ATP8B2: variants seen among roughly 807,000 people sequenced by gnomAD.
The protein encoded by ATP8B2 is ATPase phospholipid transporting 8B2, also known as phospholipid-transporting ATPase ID.
ATP8B2 carries 70 observed loss-of-function variants against 133.4 expected under a neutral mutation model. The observed-to-expected ratio is 0.52, with a 90% confidence interval of 0.43 to 0.64. ATP8B2 has a LOEUF of 0.64. ATP8B2 is among the 30% of genes least tolerant of loss of function. ATP8B2 has a pLI of 0.00. For synonymous variants in ATP8B2, 517 were observed against 589.5 expected, an observed-to-expected ratio of 0.88 and a Z score of 1.78; for missense variants, 1,101 against 1,535.7, an observed-to-expected ratio of 0.72 and a Z score of 4.73.
chr1:154,328,769 G>C lies in ATP8B2; in HGVS notation c.31+597G>C, dbSNP rs539432958. ...AGCGCACGCTGGCATCCGCCGGGGG[G>C]CATGGGGGGCGGCGGCGGCGGCGCA... On this transcript the variant is annotated intron_variant, in intron 2 of 27. Transcript: ENST00000368489. The surrounding 1 kb of genome is among the most constrained non-coding windows in gnomAD (Gnocchi z 4.6). 1 of 999,702 alleles carries C rather than the reference G, an allele frequency of 1.0e-6. No individual in the cohort carries two copies. The highest frequency in any genetic ancestry group is 1.2e-6 in the Non-Finnish European group (1 of 840,356). 61.9% of individuals were successfully genotyped at this position (999,702 alleles called of 1,614,324 possible). A position where few individuals can be genotyped will look rare whatever the true frequency, so the allele number is the denominator to read the frequency against.
chr1:154,329,877 G>A (rs534513003), intron 2 of ATP8B2, among the ~76,000 whole-genome samples: 4 of 152,124 alleles, frequency 2.6e-5, no homozygotes, highest in Admixed American at 2.0e-4. Context: ...GACTGCACAT[G>A]GGGCTGGGAT....
At position 154,329,063 on chromosome 1, in the gene ATP8B2, T is replaced by A. The variant is rs752246566; in HGVS notation, c.31+891T>A. On this transcript the variant is annotated intron_variant, in intron 2 of 27. Coordinates refer to ENST00000368489, the MANE Select transcript of ATP8B2 (RefSeq NM_001370597.1). ...TCCCTCTTGGAGCCGAAAGAAGCCCTCTTGGGGGACAGGTAACGGGAGGCA... is the reference window on the plus strand; with the variant it reads ...TCCCTCTTGGAGCCGAAAGAAGCCCACTTGGGGGACAGGTAACGGGAGGCA... The A allele has an allele frequency of 3.8e-6, 5 of 1,302,080 alleles. No homozygotes were observed. The South Asian group carries it at 6.2e-5, about 16-fold the overall frequency. 80.7% of individuals were successfully genotyped at this position (1,302,080 alleles called of 1,614,324 possible).
Position 154,331,342 on chromosome 1 carries a change from G to A in ATP8B2, c.304-102G>A. 2 of 1,297,048 alleles carry A rather than the reference G, an allele frequency of 1.5e-6. No homozygotes were observed. Among genetic ancestry groups the A allele is most frequent in the Non-Finnish European group, 2.2e-6 (2 of 900,758 alleles). 80.3% of individuals were successfully genotyped at this position (1,297,048 alleles called of 1,614,324 possible). A position where few individuals can be genotyped will look rare whatever the true frequency, so the allele number is the denominator to read the frequency against. On this transcript the variant is annotated intron_variant, in intron 5 of 27. Transcript: ENST00000368489. This position sits in a 1 kb window ranked among gnomAD's most constrained non-coding sequence, Gnocchi z 4.8. ...CAGGGAGTGAACTGGTTTGTGATGGGGTGTGTATGAGGCGTTAACCAGCAT... is the reference window on the plus strand; with the variant it reads ...CAGGGAGTGAACTGGTTTGTGATGGAGTGTGTATGAGGCGTTAACCAGCAT...
rs1327170813 is a variant in ATP8B2 at position 154,350,503 on chromosome 1, G to A, written c.*1385G>A. On this transcript the variant is annotated 3_prime_UTR_variant, in exon 28 of 28. Coordinates refer to ENST00000368489, the MANE Select transcript of ATP8B2 (RefSeq NM_001370597.1). ...CAGGGCCCTGTGGTGGGGCTGCAGG[G>A]GGAAGCTGTGCACCTGAGATGAGGC... 1 of 152,310 alleles carries A rather than the reference G, an allele frequency of 6.6e-6. No homozygotes were observed. Among genetic ancestry groups the A allele is most frequent in the Non-Finnish European group, 1.5e-5 (1 of 68,092 alleles). 9.4% of individuals were successfully genotyped at this position (152,310 alleles called of 1,614,324 possible).
rs952187330 is a variant in ATP8B2 at position 154,328,587 on chromosome 1, C to A, written c.31+415C>A. On this transcript the variant is annotated intron_variant, in intron 2 of 27. Transcript: ENST00000368489. The surrounding 1 kb of genome is among the most constrained non-coding windows in gnomAD (Gnocchi z 4.6). ...GGTTGCCCCCGACAACGCCGGCAGT[C>A]CGCTCACCCGCATTGGCCCGGCCCG... 2.0e-5 allele frequency among the ~76,000 whole-genome samples: 3 copies of A among 152,164 alleles called. No homozygotes were observed. The highest frequency in any genetic ancestry group is 7.2e-5 in the African/African-American group (3 of 41,454).
intron 13 of ATP8B2, chr1:154,341,685 C>T (rs1686388995): frequency 6.4e-6 from 1 of 155,058 alleles, no homozygotes; most frequent in African/African-American, 2.4e-5. Context: ...CCCAGCTACT[C>T]GGGGGGCTGA....
intron 11 of ATP8B2, among the ~76,000 whole-genome samples, chr1:154,335,567 C>T (rs1315206843): frequency 6.6e-6 from 1 of 152,076 alleles, no homozygotes; most frequent in Admixed American, 6.5e-5. Flanking sequence ...TGGCATGCAC[C>T]TGTGGTCCCA....
Position 154,346,821 on chromosome 1 carries a change from C to T in ATP8B2, c.3163+63C>T. On this transcript the variant is annotated intron_variant, in intron 26 of 27. Coordinates refer to ENST00000368489, the MANE Select transcript of ATP8B2 (RefSeq NM_001370597.1). The surrounding 1 kb of genome is among the most constrained non-coding windows in gnomAD (Gnocchi z 4.5). Reference sequence around the variant, plus strand: ...ACAGCTGTTCTGGGACTAACAGGACCATCAGCTAATCTGCACATTCAACAT... The same window carrying T: ...ACAGCTGTTCTGGGACTAACAGGACTATCAGCTAATCTGCACATTCAACAT... 6.4e-7 allele frequency: 1 copy of T among 1,554,486 alleles called. No homozygotes were observed.
At chr1:154,335,418 G>C (rs1243302989) in intron 11 of ATP8B2, among the ~76,000 whole-genome samples, 2 of 152,336 alleles carry the variant, frequency 1.3e-5, no homozygotes, top group South Asian at 2.1e-4. Context: ...TAGACCAGGA[G>C]TGGTGGCTCA....
At position 154,343,572 on chromosome 1, in the gene ATP8B2, G is replaced by A. The variant is rs1205628713; in HGVS notation, c.1758+4G>A. On this transcript the variant is annotated splice_donor_region_variant and intron_variant, in intron 17 of 27. Transcript: ENST00000368489. This position sits in a 1 kb window ranked among gnomAD's most constrained non-coding sequence, Gnocchi z 5.8. ...CACCACCATGGACCACCTTAATGTG[G>A]GTGTGAGGAGAGGAGGGGCCAGCCT... 2 of 1,613,612 alleles carry A rather than the reference G, an allele frequency of 1.2e-6. No individual in the cohort carries two copies. Among genetic ancestry groups the A allele is most frequent in the Admixed American group, 1.7e-5 (1 of 60,002 alleles).
intron 9 of ATP8B2, among the ~76,000 whole-genome samples, chr1:154,333,477 G>A (rs905541791): frequency 1.3e-5 from 2 of 149,274 alleles, no homozygotes; most frequent in Admixed American, 6.7e-5. Context: ...GCACTCCAGC[G>A]TGGGCAACAC....
chr1:154,342,223 G>A (rs1473522498), intron 13 of ATP8B2, among the ~76,000 whole-genome samples: 1 of 151,926 alleles, frequency 6.6e-6, no homozygotes, highest in Non-Finnish European at 1.5e-5. Flanking sequence ...GCCGCCTAGG[G>A]TAGAGACAGG....
rs1685985452 is a variant in ATP8B2, at chr1:154,331,370, T to A, written c.304-74T>A. ...GTGTATGAGGCGTTAACCAGCATGC[T>A]CTGAGTTCTACTGATCAACGAATTC... On this transcript the variant is annotated intron_variant, in intron 5 of 27. Coordinates refer to ENST00000368489, the MANE Select transcript of ATP8B2 (RefSeq NM_001370597.1). The surrounding 1 kb of genome is among the most constrained non-coding windows in gnomAD (Gnocchi z 4.8). 2 of 1,509,328 alleles carry A rather than the reference T, an allele frequency of 1.3e-6. No individual in the cohort carries two copies. The highest frequency in any genetic ancestry group is 2.3e-5 in the South Asian group (2 of 88,452). The allele number at this position is 1,509,328 out of a possible 1,614,324, so 93.5% of individuals were successfully genotyped here. A position where few individuals can be genotyped will look rare whatever the true frequency, so the allele number is the denominator to read the frequency against.
At position 154,346,566 on chromosome 1, in the gene ATP8B2, G is replaced by A; in HGVS notation, c.3025-54G>A. ...CCCTGGGCACCACAGTTCTGTTTCT[G>A]GGGGAAGGGGCTTTTAGGGCGTGCG... On this transcript the variant is annotated intron_variant, in intron 25 of 27. Coordinates refer to ENST00000368489, the MANE Select transcript of ATP8B2 (RefSeq NM_001370597.1). The surrounding 1 kb of genome is among the most constrained non-coding windows in gnomAD (Gnocchi z 4.5). 6.2e-7 allele frequency: 1 copy of A among 1,611,722 alleles called. No individual in the cohort carries two copies. Among genetic ancestry groups the A allele is most frequent in the Non-Finnish European group, 8.5e-7 (1 of 1,178,658 alleles).
In ATP8B2 at chr1:154,340,593, G is replaced by C. The variant is rs1288900092; in HGVS notation, c.1035-261G>C. Reference sequence around the variant, plus strand: ...CTACAGCCCCTTTTCCTCCTTTGCTGTCTGTCCTGCCCACCCAGGCCCTTT... The same window carrying C: ...CTACAGCCCCTTTTCCTCCTTTGCTCTCTGTCCTGCCCACCCAGGCCCTTT... On this transcript the variant is annotated intron_variant, in intron 12 of 27. Coordinates refer to ENST00000368489, the MANE Select transcript of ATP8B2 (RefSeq NM_001370597.1). The surrounding 1 kb of genome is among the most constrained non-coding windows in gnomAD (Gnocchi z 4.0). 9.6e-6 allele frequency: 5 copies of C among 522,414 alleles called. No individual in the cohort carries two copies. Among genetic ancestry groups the C allele is most frequent in the African/African-American group, 7.7e-5 (4 of 52,242 alleles). 32.4% of individuals were successfully genotyped at this position (522,414 alleles called of 1,614,324 possible).
intron 1 of ATP8B2, 154 bp from the exon 2 acceptor site, chr1:154,327,951 A>T: frequency 6.5e-7 from 1 of 1,536,606 alleles, no homozygotes. Context: ...TTTCCCAGGA[A>T]CCCATCATGG....
rs1317324213 is a variant in ATP8B2, at chr1:154,343,856, A to C, written c.1759-37A>C. On this transcript the variant is annotated intron_variant, in intron 17 of 27. Transcript: ENST00000368489. This position sits in a 1 kb window ranked among gnomAD's most constrained non-coding sequence, Gnocchi z 5.8. Reference sequence around the variant, plus strand: ...CCCTCACGCTGTCCATTAGCTCTCCAGACTTACCCAGGTGTGCCTTTCCAC... The same window carrying C: ...CCCTCACGCTGTCCATTAGCTCTCCCGACTTACCCAGGTGTGCCTTTCCAC... 1 of 1,574,118 alleles carries C rather than the reference A, an allele frequency of 6.4e-7. No homozygotes were observed.
Position 154,348,887 on chromosome 1 carries a change from C to T in ATP8B2, c.3342C>T (p.Arg1114=). Residue 1114 remains arginine (R), a synonymous_variant, in exon 28 of 28, where the codon CGC becomes CGT. Transcript: ENST00000368489. ...GGAAGAAGCAGAAGGCCCAGCACCG[C>T]TGCATGCGGCGGGTTGGCCGCACTG... ...LVRKKQKAQH[R]CMRRVGRTGS... 6.2e-7 allele frequency: 1 copy of T among 1,613,530 alleles called. No individual in the cohort carries two copies. The highest frequency in any genetic ancestry group is 1.7e-5 in the Admixed American group (1 of 59,980).
In ATP8B2 at chr1:154,344,590, T is replaced by C. The variant is rs1441334923; in HGVS notation, c.2142-51T>C. ...GGACCATTTAGACTTGAATCCCTGC[T>C]CCCCACTGCCGTTCTGGAAGACCAC... is the stretch of plus-strand genomic sequence containing the variant. On this transcript the variant is annotated intron_variant, in intron 20 of 27. Coordinates refer to ENST00000368489, the MANE Select transcript of ATP8B2 (RefSeq NM_001370597.1). The surrounding 1 kb of genome is among the most constrained non-coding windows in gnomAD (Gnocchi z 4.1). The C allele has an allele frequency of 1.9e-6, 3 of 1,607,848 alleles. No individual in the cohort carries two copies. The highest frequency in any genetic ancestry group is 2.6e-6 in the Non-Finnish European group (3 of 1,174,982).
Sources: allele counts gnomAD v4.1 joint callset (sites outside exome capture counted in the v4.1 genomes callset), GRCh38; gene constraint gnomAD v4.1.1; non-coding constraint Gnocchi (gnomAD v3.1); transcripts MANE v1.5; gene names NCBI Gene and HGNC (gene_info 2026-07-23, HGNC 2026-07-21).